Variants in NEBL observed in about 807,000 individuals in gnomAD.
The protein encoded by NEBL is nebulette, also known as LIM and SH3 protein 2.
A neutral mutation model predicts 140.2 loss-of-function variants in NEBL; 122 were observed. The observed-to-expected ratio is 0.87, with a 90% CI of 0.75 to 1.01. The LOEUF is 1.01. Ranked by LOEUF, NEBL falls within the 50% of genes least tolerant of loss-of-function variation. The probability of loss-of-function intolerance (pLI) is 0.00; values close to 1 mark genes in which losing one functional copy is unlikely to be tolerated. For missense variants in NEBL, 1,365 were observed against 1,231.3 expected, an observed-to-expected ratio of 1.11 and a Z score of -1.62; for synonymous variants, 436 against 398.9, an observed-to-expected ratio of 1.09 and a Z score of -1.11.
At chr10:21,239,898 C>T (rs1016494623) in intron 3 of NEBL, among the ~76,000 whole-genome samples, 3 of 151,962 alleles carry the variant, frequency 2.0e-5, no homozygotes, top group Admixed American at 2.0e-4. Context: ...CACCTGTAGT[C>T]CCAGCTACTC....
intron 3 of NEBL, among the ~76,000 whole-genome samples, chr10:21,198,590 C>T (rs1426154176): frequency 6.6e-6 from 1 of 152,212 alleles, no homozygotes; most frequent in African/African-American, 2.4e-5. Flanking sequence ...TATTAAGAAT[C>T]TGTGCTGTAG....
intron 3 of NEBL, among the ~76,000 whole-genome samples, chr10:20,973,589 T>C (rs371984765): frequency 2.0e-5 from 3 of 152,182 alleles, no homozygotes; most frequent in Admixed American, 6.5e-5. Context: ...CAGAAACCTA[T>C]AATTTGATCT....
At chr10:21,237,221 T>C (rs1842366456) in intron 3 of NEBL, among the ~76,000 whole-genome samples, 1 of 152,228 alleles carries the variant, frequency 6.6e-6, no homozygotes, top group Non-Finnish European at 1.5e-5. Context: ...TTTGTTTTGT[T>C]TGAGATAGAG....
chr10:20,971,958 C>T (rs371027415), intron 3 of NEBL, among the ~76,000 whole-genome samples: 1 of 152,106 alleles, frequency 6.6e-6, no homozygotes, highest in Admixed American at 6.6e-5. Context: ...GAAGGTACCA[C>T]ACAAGGTTAA....
At chr10:21,215,536 T>G (rs55963621) in intron 3 of NEBL, among the ~76,000 whole-genome samples, 2,520 of 152,228 alleles carry the variant, frequency 0.017, 77 homozygotes, top group African/African-American at 0.056. Flanking sequence ...ACAAATAACA[T>G]ATCTTTTAAA....
At chr10:21,146,324 C>T in intron 2 of NEBL, 1 of 1,600,342 alleles carries the variant, frequency 6.2e-7, no homozygotes, top group Non-Finnish European at 8.5e-7. Flanking sequence ...ATAAACCTGC[C>T]CCCAACACAT....
chr10:21,021,486 G>C (rs1298113865), intron 2 of NEBL, among the ~76,000 whole-genome samples: 1 of 152,166 alleles, frequency 6.6e-6, no homozygotes, highest in Non-Finnish European at 1.5e-5. Flanking sequence ...GATCACTTCA[G>C]TCCCCTGAGT....
intron 6 of NEBL, among the ~76,000 whole-genome samples, chr10:20,869,039 A>G (rs1447415406): frequency 6.6e-6 from 1 of 152,162 alleles, no homozygotes; most frequent in African/African-American, 2.4e-5. Context: ...ATACTAAAAC[A>G]AAATATTAGG....
intron 19 of NEBL, among the ~76,000 whole-genome samples, chr10:20,822,922 C>T (rs1341246058): frequency 1.3e-5 from 2 of 152,138 alleles, no homozygotes; most frequent in African/African-American, 4.8e-5. Context: ...TATTTCACCT[C>T]TCATCCTGCT....
intron 3 of NEBL, among the ~76,000 whole-genome samples, chr10:21,200,934 T>C (rs1841725451): frequency 6.6e-6 from 1 of 151,812 alleles, no homozygotes; most frequent in Non-Finnish European, 1.5e-5. Context: ...TCTAAAAAAA[T>C]AAAAAATTAT....
intron 4 of NEBL, among the ~76,000 whole-genome samples, chr10:20,941,159 C>T (rs1467638879): frequency 2.0e-5 from 3 of 152,138 alleles, no homozygotes; most frequent in African/African-American, 7.2e-5. Flanking sequence ...ACCAATATCC[C>T]TGATGAACAT....
chr10:21,164,740 G>C (rs778202707), intron 2 of NEBL, among the ~76,000 whole-genome samples: 2 of 152,112 alleles, frequency 1.3e-5, no homozygotes, highest in Admixed American at 6.5e-5. Flanking sequence ...GGTCCAATAC[G>C]GTGACTGAGA....
intron 2 of NEBL, among the ~76,000 whole-genome samples, chr10:21,062,845 C>A (rs144021408): frequency 3.0e-4 from 45 of 152,230 alleles, no homozygotes; most frequent in African/African-American, 1.0e-3. Flanking sequence ...GGTAACAATG[C>A]TGTGATATCA....
At chr10:21,152,009 G>A (rs1031648030) in intron 2 of NEBL, among the ~76,000 whole-genome samples, 10 of 152,248 alleles carry the variant, frequency 6.6e-5, no homozygotes, top group South Asian at 4.1e-4. Flanking sequence ...TTAGAACAGC[G>A]CCTGGTTCAT....
intron 3 of NEBL, among the ~76,000 whole-genome samples, chr10:21,194,852 G>C (rs1379287889): frequency 7.4e-6 from 1 of 136,026 alleles, no homozygotes; most frequent in Non-Finnish European, 1.5e-5. Flanking sequence ...CTAATACACA[G>C]AGCTATGTAG....
At chr10:20,795,993 C>T (rs1169370163) in intron 26 of NEBL, among the ~76,000 whole-genome samples, 1 of 152,118 alleles carries the variant, frequency 6.6e-6, no homozygotes, top group Non-Finnish European at 1.5e-5. Context: ...AACATACATA[C>T]TTTGTACTTT....
At chr10:21,273,469 G>A (rs548693090) in intron 1 of NEBL, among the ~76,000 whole-genome samples, 7 of 152,320 alleles carry the variant, frequency 4.6e-5, no homozygotes, top group African/African-American at 1.7e-4. Context: ...GAGGGGCTAA[G>A]CATCACAGGG....
intron 1 of NEBL, among the ~76,000 whole-genome samples, chr10:21,291,729 A>G (rs1324790205): frequency 3.3e-5 from 5 of 151,306 alleles, no homozygotes; most frequent in African/African-American, 9.7e-5. Context: ...CCTGGCCAAC[A>G]TAGTGAAACC....
intron 4 of NEBL, among the ~76,000 whole-genome samples, chr10:20,941,805 G>C (rs1009403963): frequency 1.1e-4 from 16 of 152,152 alleles, no homozygotes; most frequent in Non-Finnish European, 2.1e-4. Context: ...CAGACAAACA[G>C]AGAGCCAAAT....
Sources: allele counts gnomAD v4.1 joint callset (sites outside exome capture counted in the v4.1 genomes callset), GRCh38; gene constraint gnomAD v4.1.1; transcripts MANE v1.5; gene names NCBI Gene and HGNC (gene_info 2026-07-23, HGNC 2026-07-21).